Variants in SPTLC1 observed in about 807,000 individuals in gnomAD.
The protein encoded by SPTLC1 is serine palmitoyltransferase 1.
Under a neutral mutation model 68.9 loss-of-function variants are expected in SPTLC1, and 55 were observed. That is an observed-to-expected ratio of 0.80 (90% CI 0.64 to 1.00). The LOEUF (loss-of-function observed/expected upper bound fraction) is 1.00, where lower values mean the gene tolerates loss of function less well. Ranked by LOEUF, SPTLC1 falls within the 50% of genes least tolerant of loss-of-function variation. The pLI, the probability that SPTLC1 is intolerant of heterozygous loss-of-function variation, is 0.00. For missense variants in SPTLC1, 449 were observed against 573.1 expected (o/e 0.78, Z 2.21); for synonymous variants, 197 against 201.6 (o/e 0.98, Z 0.19).
Position 92,101,326 on chromosome 9 carries a change from G to T in SPTLC1, c.260+7414C>A, listed in dbSNP as rs1241853607. 2.0e-5 allele frequency among the ~76,000 whole-genome samples: 3 copies of T among 151,930 alleles called. No individual in the cohort carries two copies. The East Asian group carries it at 5.8e-4, about 29-fold the overall frequency. On this transcript the variant is annotated intron_variant, in intron 3 of 14. Coordinates refer to ENST00000262554, the MANE Select transcript of SPTLC1 (RefSeq NM_006415.4). ...ACCTGTAATCCCAGCACTTTGGAAG[G>T]CCGAGGTGGGCGGATCACGAGGTCA... is the stretch of plus-strand genomic sequence containing the variant.
chr9:92,105,678 G>A (rs1014745335), intron 3 of SPTLC1, among the ~76,000 whole-genome samples: 8 of 149,010 alleles, frequency 5.4e-5, no homozygotes, highest in Non-Finnish European at 1.0e-4. Context: ...GCCTCTGCCA[G>A]GCCCCCACCC....
chr9:92,088,219 C>A (rs1364804453), intron 3 of SPTLC1, among the ~76,000 whole-genome samples: 1 of 152,250 alleles, frequency 6.6e-6, no homozygotes, highest in African/African-American at 2.4e-5. Flanking sequence ...AATGCCTCAC[C>A]CTGCTTCAGC....
chr9:92,078,783 G>T (rs981018800), intron 5 of SPTLC1, among the ~76,000 whole-genome samples: 5 of 152,098 alleles, frequency 3.3e-5, no homozygotes, highest in African/African-American at 9.7e-5. Flanking sequence ...TAGAACTAAA[G>T]ATTTTAAAGA....
chr9:92,039,350 T>G (rs1156930039), intron 12 of SPTLC1, among the ~76,000 whole-genome samples: 1 of 152,178 alleles, frequency 6.6e-6, no homozygotes, highest in Non-Finnish European at 1.5e-5. Flanking sequence ...ATCCTGTATT[T>G]TTAAATTAAA....
intron 10 of SPTLC1, 59 bp from the exon 11 acceptor site, chr9:92,047,327 G>A (rs1833550730): frequency 1.4e-6 from 2 of 1,415,456 alleles, no homozygotes; most frequent in Non-Finnish European, 1.0e-6. Flanking sequence ...GTAAACATTT[G>A]AAAGGCACCA....
intron 9 of SPTLC1, 112 bp downstream of exon 9, chr9:92,049,848 C>T (rs377202513): frequency 1.2e-6 from 1 of 837,640 alleles, no homozygotes. Flanking sequence ...GTTTCGTGAC[C>T]CTTCAAACTG....
At chr9:92,077,147 G>C (rs1461402806) in intron 5 of SPTLC1, 5 of 152,068 alleles carry the variant, frequency 3.3e-5, no homozygotes, top group Admixed American at 6.6e-5. Context: ...CTCCGAATTC[G>C]AGCCACACCC....
At chr9:92,081,718 G>A (rs1429274174) in intron 3 of SPTLC1, among the ~76,000 whole-genome samples, 2 of 152,196 alleles carry the variant, frequency 1.3e-5, no homozygotes, top group South Asian at 4.1e-4. Context: ...TTTAACCAGA[G>A]GAAACAGTAA....
At chr9:92,067,160 A>C (rs1181338207) in intron 6 of SPTLC1, among the ~76,000 whole-genome samples, 1 of 151,402 alleles carries the variant, frequency 6.6e-6, no homozygotes, top group East Asian at 1.9e-4. Context: ...TTAGCCAGGC[A>C]TGGTGGCGCA....
chr9:92,059,150 CTG>C (rs761359147), intron 7 of SPTLC1, 27 bp downstream of exon 7: 1 of 1,610,364 alleles, frequency 6.2e-7, no homozygotes, highest in Non-Finnish European at 8.5e-7. Flanking sequence ...TACAAAAGAA[CTG>C]TATAATTTTC....
Position 92,055,487 on chromosome 9 carries a change from C to A in SPTLC1, c.698G>T (p.Arg233Leu), listed in dbSNP as rs764623559. The A allele has an allele frequency of 8.1e-6, 13 of 1,613,254 alleles. No individual in the cohort carries two copies. Among genetic ancestry groups the A allele is most frequent in the Non-Finnish European group, 9.3e-6 (11 of 1,179,934 alleles). The change falls in exon 8 of 15, where the codon CGC becomes CTC. Residue 233 changes from arginine (R) to leucine (L), a missense_variant. Arg to Leu is a moderately radical substitution (Grantham distance 102). Coordinates refer to ENST00000262554, the MANE Select transcript of SPTLC1 (RefSeq NM_006415.4). ...GAAACGCCGAGTTACACGAGCCTTG[C>A]GAGGATTCTTTAAAAGAGAAAAAGC... ...EQEIEDQKNP[R>L]KARVTRRFIV...
rs200880124 is a variant in SPTLC1 at position 92,079,570 on chromosome 9, G to A, written c.427+446C>T. Reference sequence around the variant, plus strand: ...TCAATGATCCTTCATCTTCATTCTAGAAAGATAAAAAACTACACTGTTTAT... The same window carrying A: ...TCAATGATCCTTCATCTTCATTCTAAAAAGATAAAAAACTACACTGTTTAT... On this transcript the variant is annotated intron_variant, in intron 5 of 14. Transcript: ENST00000262554. 899 of 1,612,306 alleles carry A rather than the reference G, an allele frequency of 5.6e-4. 3 individuals carry two copies. In the Middle Eastern group the frequency reaches 6.9e-3, roughly 12 times the overall value.
At chr9:92,072,314 C>T (rs1834523175) in intron 5 of SPTLC1, among the ~76,000 whole-genome samples, 1 of 152,156 alleles carries the variant, frequency 6.6e-6, no homozygotes, top group South Asian at 2.1e-4. Context: ...CTCTCTCCCT[C>T]TTTTTCTCTC....
intron 3 of SPTLC1, among the ~76,000 whole-genome samples, chr9:92,084,898 G>A (rs1046608597): frequency 3.3e-5 from 5 of 152,124 alleles, no homozygotes; most frequent in African/African-American, 1.2e-4. Flanking sequence ...GTAAGCTATT[G>A]ATTATTGCCA....
At chr9:92,086,433 G>A (rs914634648) in intron 3 of SPTLC1, among the ~76,000 whole-genome samples, 40 of 152,238 alleles carry the variant, frequency 2.6e-4, no homozygotes, top group African/African-American at 9.4e-4. Flanking sequence ...TTTAGGGCAG[G>A]CCTGGTGGTG....
chr9:92,095,098 C>A (rs1203551876), intron 3 of SPTLC1, among the ~76,000 whole-genome samples: 2 of 151,142 alleles, frequency 1.3e-5, no homozygotes, highest in Non-Finnish European at 2.9e-5. Flanking sequence ...CTTCGCTAAT[C>A]AAAAGAAAGA....
chr9:92,101,039 G>C (rs957076711), intron 3 of SPTLC1, among the ~76,000 whole-genome samples: 1 of 151,998 alleles, frequency 6.6e-6, no homozygotes, highest in Non-Finnish European at 1.5e-5. Flanking sequence ...GAGATAAAAA[G>C]CATGAAAATG....
chr9:92,083,790 A>G (rs1834996632), intron 3 of SPTLC1, among the ~76,000 whole-genome samples: 1 of 152,196 alleles, frequency 6.6e-6, no homozygotes, highest in Non-Finnish European at 1.5e-5. Context: ...AGTCATTGGT[A>G]GCTTGATGGG....
intron 3 of SPTLC1, among the ~76,000 whole-genome samples, chr9:92,083,333 A>G (rs1243092250): frequency 3.9e-5 from 6 of 151,996 alleles, no homozygotes; most frequent in East Asian, 3.9e-4. Flanking sequence ...TGTCCTGAAT[A>G]GTAATGCCTA....
Sources: allele counts gnomAD v4.1 joint callset (sites outside exome capture counted in the v4.1 genomes callset), GRCh38; gene constraint gnomAD v4.1.1; transcripts MANE v1.5; gene names NCBI Gene and HGNC (gene_info 2026-07-23, HGNC 2026-07-21).